Variants in HS3ST2 observed in about 807,000 individuals in gnomAD.
The protein encoded by HS3ST2 is heparan sulfate glucosamine 3-O-sulfotransferase 2.
HS3ST2 carries 17 observed loss-of-function variants against 26.3 expected under a neutral mutation model. The ratio of observed to expected loss-of-function variants is 0.65; its 90% CI spans 0.44 to 0.97. HS3ST2 has a LOEUF of 0.97. Among genes scored for constraint, HS3ST2 ranks in the 50% least tolerant of loss-of-function variants. The pLI is 0.00. For missense variants in HS3ST2, 402 were observed against 501.2 expected, an observed-to-expected ratio of 0.80 and a Z score of 1.89; for synonymous variants, 237 against 219.2, an observed-to-expected ratio of 1.08 and a Z score of -0.72.
rs1045033208 is a variant in HS3ST2 at position 22,814,658 on chromosome 16, G to A, written c.48G>A (p.Arg16=). Residue 16 remains arginine (R), a synonymous_variant, in exon 1 of 2, where the codon AGG becomes AGA. Transcript: ENST00000261374. The stretch of plus-strand genomic sequence containing the variant: ...GCGCGGGGCCACCTCAGCCGCGGAG[G>A]GCGCGCAGGCTGCTCTTCGCCTTCA... ...LGRAGPPQPR[R]ARRLLFAFTL... is the part of the protein sequence containing the mutation. 2 of 1,568,382 alleles carry A rather than the reference G, an allele frequency of 1.3e-6. No homozygotes were observed. Among genetic ancestry groups the A allele is most frequent in the African/African-American group, 2.7e-5 (2 of 73,610 alleles).
intron 1 of HS3ST2, among the ~76,000 whole-genome samples, chr16:22,861,481 A>G (rs1227344455): frequency 6.6e-6 from 1 of 152,004 alleles, no homozygotes; most frequent in East Asian, 2.0e-4. Flanking sequence ...GGGTAGGTGA[A>G]GTGACCAGAA....
At chr16:22,909,341 C>A (rs1666710943) in intron 1 of HS3ST2, among the ~76,000 whole-genome samples, 1 of 152,112 alleles carries the variant, frequency 6.6e-6, no homozygotes. Flanking sequence ...TTTTGCAGAG[C>A]TACATAGAAA....
At chr16:22,878,693 G>A (rs1198966527) in intron 1 of HS3ST2, among the ~76,000 whole-genome samples, 1 of 152,182 alleles carries the variant, frequency 6.6e-6, no homozygotes, top group Non-Finnish European at 1.5e-5. Context: ...TTGAGGGTAA[G>A]GGGTACCGAG....
At chr16:22,875,549 T>C (rs1199236805) in intron 1 of HS3ST2, among the ~76,000 whole-genome samples, 1 of 151,968 alleles carries the variant, frequency 6.6e-6, no homozygotes, top group Non-Finnish European at 1.5e-5. Flanking sequence ...CCTAGCTAAT[T>C]TTTTTGTATT....
chr16:22,892,818 C>T (rs1338339632), intron 1 of HS3ST2, among the ~76,000 whole-genome samples: 14 of 152,192 alleles, frequency 9.2e-5, no homozygotes, highest in Non-Finnish European at 1.8e-4. Context: ...CCATCCCCCA[C>T]GGCTCTTCAA....
intron 1 of HS3ST2, among the ~76,000 whole-genome samples, chr16:22,823,491 G>A (rs1352971789): frequency 6.6e-6 from 1 of 152,086 alleles, no homozygotes; most frequent in Non-Finnish European, 1.5e-5. Flanking sequence ...CGAAAACTCA[G>A]TTTAAGTAAA....
At chr16:22,876,409 T>C (rs1374041598) in intron 1 of HS3ST2, among the ~76,000 whole-genome samples, 16 of 152,266 alleles carry the variant, frequency 1.1e-4, no homozygotes. Context: ...AATACCACAT[T>C]ACTTCTGCAA....
intron 1 of HS3ST2, 64 bp downstream of exon 1, chr16:22,815,159 C>A: frequency 1.3e-6 from 2 of 1,583,694 alleles, no homozygotes; most frequent in Non-Finnish European, 1.7e-6. Context: ...GAGAGCCATC[C>A]GTCTCTTGTG....
At chr16:22,874,161 G>T (rs916144446) in intron 1 of HS3ST2, among the ~76,000 whole-genome samples, 1 of 152,160 alleles carries the variant, frequency 6.6e-6, no homozygotes, top group Non-Finnish European at 1.5e-5. Flanking sequence ...CAAACAGCAG[G>T]CCCCTTCAGG....
At chr16:22,914,143 TAA>T (rs752345485) in intron 1 of HS3ST2, among the ~76,000 whole-genome samples, 4 of 142,150 alleles carry the variant, frequency 2.8e-5, no homozygotes, top group Admixed American at 7.0e-5. Context: ...CCCTGTCTCT[TAA>T]AAAAAAAAAA....
chr16:22,897,089 G>A (rs1184874766), intron 1 of HS3ST2, among the ~76,000 whole-genome samples: 2 of 152,196 alleles, frequency 1.3e-5, no homozygotes, highest in East Asian at 1.9e-4. Context: ...GATTACAGGC[G>A]TGTGCCACCA....
chr16:22,903,188 G>T (rs1902303300), intron 1 of HS3ST2, among the ~76,000 whole-genome samples: 1 of 152,094 alleles, frequency 6.6e-6, no homozygotes, highest in South Asian at 2.1e-4. Context: ...ACTTGAATCT[G>T]GATTCTGCAA....
chr16:22,836,972 T>C (rs1329460233), intron 1 of HS3ST2, among the ~76,000 whole-genome samples: 1 of 152,168 alleles, frequency 6.6e-6, no homozygotes, highest in Non-Finnish European at 1.5e-5. Context: ...CAAAATCTTT[T>C]TAAAAGCACC....
intron 1 of HS3ST2, among the ~76,000 whole-genome samples, chr16:22,903,339 G>A (rs2283537): frequency 0.11 from 17,334 of 152,200 alleles, 1,888 homozygotes; most frequent in East Asian, 0.34. Flanking sequence ...AGAACAGCAA[G>A]TGGCCCACAG....
intron 1 of HS3ST2, among the ~76,000 whole-genome samples, chr16:22,832,065 C>A (rs962758506): frequency 6.6e-6 from 1 of 151,902 alleles, no homozygotes; most frequent in African/African-American, 2.4e-5. Context: ...TCACTGTAGC[C>A]TTGGGCTCCC....
intron 1 of HS3ST2, among the ~76,000 whole-genome samples, chr16:22,861,680 G>A (rs144642808): frequency 1.6e-3 from 236 of 152,246 alleles, no homozygotes; most frequent in Middle Eastern, 3.4e-3. Context: ...GAAGTCATGG[G>A]TCAAGGGAAC....
intron 1 of HS3ST2, among the ~76,000 whole-genome samples, chr16:22,835,155 A>G (rs1901236121): frequency 6.6e-6 from 1 of 151,832 alleles, no homozygotes; most frequent in Non-Finnish European, 1.5e-5. Context: ...AACATATTTG[A>G]ACTTTTCAAA....
At chr16:22,904,776 T>C (rs1316122995) in intron 1 of HS3ST2, among the ~76,000 whole-genome samples, 1 of 152,156 alleles carries the variant, frequency 6.6e-6, no homozygotes. Flanking sequence ...AAAGACTCTA[T>C]CTTGTGAGCA....
At chr16:22,870,175 T>G (rs1247154292) in intron 1 of HS3ST2, among the ~76,000 whole-genome samples, 1 of 152,148 alleles carries the variant, frequency 6.6e-6, no homozygotes, top group African/African-American at 2.4e-5. Context: ...TGGGATACGC[T>G]GCCCTCCTCT....
Sources: gnomAD v4.1 joint callset for allele counts (sites outside exome capture counted in the v4.1 genomes callset) on GRCh38, gnomAD v4.1.1 for gene constraint, MANE v1.5 for transcripts, NCBI Gene and HGNC (gene_info 2026-07-23, HGNC 2026-07-21) for gene names.